The following C2orf92 variants were observed in gnomAD, a reference collection of about 807,000 sequenced individuals.
C2orf92 encodes the protein uncharacterized protein C2orf92.
intron 2 of C2orf92, 154 bp from the exon 3 acceptor site, chr2:97,675,691 C>T: frequency 2.5e-6 from 1 of 396,936 alleles, no homozygotes; most frequent in Non-Finnish European, 4.4e-6. Flanking sequence ...CTTGCAGACA[C>T]TTCATGAATG....
At chr2:97,674,134 TGA>T (rs1675500560) in intron 1 of C2orf92, 1 of 208,444 alleles carries the variant, frequency 4.8e-6, no homozygotes, top group Admixed American at 5.9e-5. Context: ...CCCGCTTCTC[TGA>T]TATCATTGGG....
At chr2:97,688,711 G>A (rs921417656) in intron 3 of C2orf92, among the ~76,000 whole-genome samples, 184 bp from the exon 4 acceptor site, 4 of 152,110 alleles carry the variant, frequency 2.6e-5, no homozygotes, top group East Asian at 1.9e-4. Context: ...ACAATTTTCC[G>A]GAAATGATTT....
chr2:97,686,707 C>T (rs1171506380), intron 3 of C2orf92, among the ~76,000 whole-genome samples: 10 of 151,990 alleles, frequency 6.6e-5, no homozygotes, highest in East Asian at 3.9e-4. Context: ...CATGAGCCAC[C>T]GTGCCTGGCC....
Position 97,702,724 on chromosome 2 carries a change from T to C in C2orf92, c.721T>C (p.Trp241Arg), listed in dbSNP as rs1676535126. 5.0e-6 allele frequency: 2 copies of C among 398,362 alleles called. No homozygotes were observed. Among genetic ancestry groups the C allele is most frequent in the African/African-American group, 4.2e-5 (2 of 48,098 alleles). 24.7% of individuals were successfully genotyped at this position (398,362 alleles called of 1,614,324 possible). A position where few individuals can be genotyped will look rare whatever the true frequency, so the allele number is the denominator to read the frequency against. Reference sequence around the variant, plus strand: ...TTTTATAATGGATGGAAAGACATGGTGGCACAATTCTGAAGAAAAAAATTT... The same window carrying C: ...TTTTATAATGGATGGAAAGACATGGCGGCACAATTCTGAAGAAAAAAATTT... ...NIFIMDGKTW[W>R]HNSEEKNFTK... The change falls in exon 8 of 8, where the codon TGG (tryptophan) becomes CGG (arginine). Residue 241 changes from tryptophan to arginine, a missense_variant. Physicochemically the swap from Trp to Arg is moderately radical, Grantham distance 101. Coordinates refer to ENST00000627399, the MANE Select transcript of C2orf92 (RefSeq NM_001351368.2).
chr2:97,680,047 C>A (rs1323395460), intron 3 of C2orf92, among the ~76,000 whole-genome samples: 1 of 152,096 alleles, frequency 6.6e-6, no homozygotes, highest in African/African-American at 2.4e-5. Flanking sequence ...CGCCTGTAAG[C>A]CCAGTACTTT....
At chr2:97,686,532 G>C (rs1675968079) in intron 3 of C2orf92, among the ~76,000 whole-genome samples, 1 of 151,806 alleles carries the variant, frequency 6.6e-6, no homozygotes, top group African/African-American at 2.4e-5. Flanking sequence ...CGATTCTCTT[G>C]CCTCAGCCTC....
intron 5 of C2orf92, among the ~76,000 whole-genome samples, chr2:97,693,738 T>C (rs1676214940): frequency 6.6e-6 from 1 of 152,178 alleles, no homozygotes; most frequent in Non-Finnish European, 1.5e-5. Context: ...TCACTCAGAG[T>C]GGCAGGGGAT....
chr2:97,687,263 A>G (rs891778156), intron 3 of C2orf92, among the ~76,000 whole-genome samples: 3 of 152,170 alleles, frequency 2.0e-5, no homozygotes, highest in Non-Finnish European at 4.4e-5. Context: ...GCTACTCAGG[A>G]GGCTGAGGCG....
chr2:97,683,345 TAAAAG>T (rs1675845940), intron 3 of C2orf92, among the ~76,000 whole-genome samples: 1 of 151,998 alleles, frequency 6.6e-6, no homozygotes, highest in African/African-American at 2.4e-5. Context: ...AAAGCACTGA[TAAAAG>T]AAAATAGAGA....
At chr2:97,666,867 AG>A (rs1201189260), upstream of C2orf92, 1 of 144,172 alleles carries the variant, frequency 6.9e-6, no homozygotes, top group African/African-American at 2.5e-5. Context: ...AAAAAAAAGC[AG>A]TTGATTTTAA....
intron 4 of C2orf92, 133 bp from the exon 5 acceptor site, chr2:97,690,123 T>C: frequency 2.9e-6 from 1 of 346,866 alleles, no homozygotes. Context: ...TGCGAGACTC[T>C]GTCTCAAAAG....
intron 3 of C2orf92, among the ~76,000 whole-genome samples, chr2:97,682,175 A>G (rs1448763242): frequency 6.6e-6 from 1 of 152,230 alleles, no homozygotes; most frequent in African/African-American, 2.4e-5. Context: ...TGAGAGAAGA[A>G]TATAAACATT....
At chr2:97,692,477 TC>T (rs1408098265) in intron 5 of C2orf92, among the ~76,000 whole-genome samples, 1 of 149,156 alleles carries the variant, frequency 6.7e-6, no homozygotes, top group Non-Finnish European at 1.5e-5. Context: ...TGGCATGATC[TC>T]AGCTCACTGC....
intron 7 of C2orf92, 46 bp from the exon 8 acceptor site, chr2:97,702,623 C>T (rs1676530391): frequency 5.0e-6 from 2 of 398,722 alleles, no homozygotes; most frequent in Non-Finnish European, 8.9e-6. Context: ...CAGCAGGACT[C>T]CTGTGCGCTG....
At chr2:97,673,641 G>A (rs1483992169) in intron 1 of C2orf92, among the ~76,000 whole-genome samples, 1 of 152,108 alleles carries the variant, frequency 6.6e-6, no homozygotes, top group Non-Finnish European at 1.5e-5. Flanking sequence ...TTCCCCTCCT[G>A]TCTTCCCTGG....
At position 97,676,454 on chromosome 2, in the gene C2orf92, A is replaced by G. The variant is rs1431816780; in HGVS notation, c.232+526A>G. On this transcript the variant is annotated intron_variant, in intron 3 of 7. Transcript: ENST00000627399. ...ATCTCAAAAAAAAAAAAAAAGAAAA[A>G]AAAAAAAAAAAAGACACCCCTTGGC... 3.4e-5 allele frequency among the ~76,000 whole-genome samples: 5 copies of G among 148,868 alleles called. No individual in the cohort carries two copies. In the East Asian group the frequency reaches 8.0e-4, roughly 24 times the overall value.
At chr2:97,674,683 C>G (rs1675519379) in intron 2 of C2orf92, 126 bp downstream of exon 2, 1 of 395,034 alleles carries the variant, frequency 2.5e-6, no homozygotes, top group African/African-American at 2.1e-5. Flanking sequence ...GGTGCAAAGC[C>G]AAACTGAGAT....
chr2:97,672,838 C>T (rs1024392741), intron 1 of C2orf92, among the ~76,000 whole-genome samples: 2 of 152,002 alleles, frequency 1.3e-5, no homozygotes, highest in Admixed American at 6.5e-5. Context: ...GCTCCTGTTA[C>T]ATCAAGCGAG....
chr2:97,693,640 G>A (rs1676211588), intron 5 of C2orf92, among the ~76,000 whole-genome samples: 1 of 151,836 alleles, frequency 6.6e-6, no homozygotes, highest in Non-Finnish European at 1.5e-5. Context: ...ATTCTACTTG[G>A]TCATAGTGAG....
Sources: gnomAD v4.1 joint callset for allele counts (sites outside exome capture counted in the v4.1 genomes callset) on GRCh38, gnomAD v4.1.1 for gene constraint, MANE v1.5 for transcripts, NCBI Gene and HGNC (gene_info 2026-07-23, HGNC 2026-07-21) for gene names.